BRINP2: variants seen among roughly 807,000 people sequenced by gnomAD.
The protein encoded by BRINP2 is BMP/retinoic acid-inducible neural-specific protein 2.
BRINP2 carries 21 observed loss-of-function variants against 69.2 expected under a neutral mutation model. That is an observed-to-expected ratio of 0.30 (90% CI 0.22 to 0.44). BRINP2 has a LOEUF of 0.44. Among genes scored for constraint, BRINP2 ranks in the 20% least tolerant of loss-of-function variants. The pLI is 1.00. For missense variants in BRINP2, 877 were observed against 986.0 expected, an observed-to-expected ratio of 0.89 and a Z score of 1.48; for synonymous variants, 380 against 394.1, an observed-to-expected ratio of 0.96 and a Z score of 0.42.
chr1:177,241,126 C>A (rs1364796827), intron 2 of BRINP2, among the ~76,000 whole-genome samples: 1 of 152,132 alleles, frequency 6.6e-6, no homozygotes, highest in South Asian at 2.1e-4. Context: ...CATCCACCAC[C>A]ATGCCCGGCT....
intron 2 of BRINP2, among the ~76,000 whole-genome samples, chr1:177,246,230 G>T (rs1401610953): frequency 6.6e-6 from 1 of 152,156 alleles, no homozygotes; most frequent in Admixed American, 6.5e-5. Context: ...CAAGGCAAAA[G>T]AATTACCTGG....
chr1:177,217,598 A>G (rs897138467), intron 1 of BRINP2, among the ~76,000 whole-genome samples: 2 of 152,030 alleles, frequency 1.3e-5, no homozygotes, highest in African/African-American at 4.8e-5. Context: ...GTGTTTATGC[A>G]TTTGTGGAGA....
intron 1 of BRINP2, among the ~76,000 whole-genome samples, chr1:177,173,367 A>C (rs1196724001): frequency 1.3e-5 from 2 of 152,270 alleles, no homozygotes; most frequent in African/African-American, 4.8e-5. Context: ...GTCACACCAT[A>C]GTCTCCCCTT....
In BRINP2 at chr1:177,281,716, G is replaced by A. The variant is rs1049012894; in HGVS notation, c.*188G>A. The A allele has an allele frequency of 1.8e-5, 11 of 624,344 alleles. No homozygotes were observed. Among genetic ancestry groups the A allele is most frequent in the East Asian group, 5.8e-5 (2 of 34,380 alleles). The allele number at this position is 624,344 out of a possible 1,614,324, so 38.7% of individuals were successfully genotyped here. ...ACAGCTACTGCGTGCGTGCGCGCAC[G>A]CATACACACACACACACACACACTG... On this transcript the variant is annotated 3_prime_UTR_variant, in exon 8 of 8. Coordinates refer to ENST00000361539, the MANE Select transcript of BRINP2 (RefSeq NM_021165.4).
In BRINP2 at chr1:177,242,845, G is replaced by A. The variant is rs140333947; in HGVS notation, c.269+12700G>A. Among the ~76,000 whole-genome samples, 236 of 152,278 alleles carry A rather than the reference G, an allele frequency of 1.5e-3. 2 individuals carry two copies. The highest frequency in any genetic ancestry group is 5.4e-3 in the African/African-American group (223 of 41,544). ...TTCTGGGATGAAATTAGATGAAGGC[G>A]TAAACAAGTGGTTGAGACTCAAGGC... On this transcript the variant is annotated intron_variant, in intron 2 of 7. Coordinates refer to ENST00000361539, the MANE Select transcript of BRINP2 (RefSeq NM_021165.4).
At chr1:177,255,473 G>A (rs905323819) in intron 2 of BRINP2, among the ~76,000 whole-genome samples, 2 of 152,192 alleles carry the variant, frequency 1.3e-5, no homozygotes, top group African/African-American at 4.8e-5. Context: ...AAATATGAGG[G>A]CAGTGGTTCT....
chr1:177,210,262 A>G (rs553169561), intron 1 of BRINP2, among the ~76,000 whole-genome samples: 1 of 149,656 alleles, frequency 6.7e-6, no homozygotes, highest in African/African-American at 2.6e-5. Flanking sequence ...TGCTTTCTAT[A>G]TTTACTCACC....
intron 1 of BRINP2, among the ~76,000 whole-genome samples, chr1:177,212,987 T>C (rs372439378): frequency 1.6e-4 from 24 of 152,306 alleles, no homozygotes; most frequent in Middle Eastern, 3.4e-3. Context: ...AATATGTGCT[T>C]AATAAATAGA....
chr1:177,239,763 G>A (rs1650137703), intron 2 of BRINP2, among the ~76,000 whole-genome samples: 1 of 152,188 alleles, frequency 6.6e-6, no homozygotes, highest in African/African-American at 2.4e-5. Context: ...GAGACATAGA[G>A]GCTGAGGCCC....
intron 5 of BRINP2, 81 bp from the exon 6 acceptor site, chr1:177,276,116 TG>T: frequency 7.7e-7 from 1 of 1,304,666 alleles, no homozygotes; most frequent in Non-Finnish European, 1.1e-6. Context: ...GAACTCCAGC[TG>T]GGATTCCTGC....
In BRINP2 at chr1:177,229,914, G is replaced by C. The variant is rs747854235; in HGVS notation, c.38G>C (p.Arg13Pro). ...TGTGGCACTCGGTTTAGAGGGCTTC[G>C]GCCGGCGGTGGCCCCATGGACAGCC... ...WQCGTRFRGL[R>P]PAVAPWTALL... Residue 13 changes from arginine to proline, a missense_variant, in exon 2 of 8, where the codon CGG becomes CCG. Arg to Pro is a moderately radical substitution (Grantham distance 103). Coordinates refer to ENST00000361539, the MANE Select transcript of BRINP2 (RefSeq NM_021165.4). 1.2e-6 allele frequency: 2 copies of C among 1,606,530 alleles called. No individual in the cohort carries two copies. The highest frequency in any genetic ancestry group is 1.3e-5 in the African/African-American group (1 of 74,816).
At chr1:177,175,021 A>G (rs1001826406) in intron 1 of BRINP2, among the ~76,000 whole-genome samples, 1 of 152,068 alleles carries the variant, frequency 6.6e-6, no homozygotes, top group Admixed American at 6.6e-5. Flanking sequence ...CACACACACA[A>G]CTTCTCATAT....
At chr1:177,244,400 T>C (rs887846130) in intron 2 of BRINP2, among the ~76,000 whole-genome samples, 6 of 152,202 alleles carry the variant, frequency 3.9e-5, no homozygotes, top group Non-Finnish European at 7.3e-5. Context: ...GGACTAAAGC[T>C]TGTGGTGTGT....
chr1:177,174,905 C>A (rs957261899), intron 1 of BRINP2, among the ~76,000 whole-genome samples: 1 of 152,170 alleles, frequency 6.6e-6, no homozygotes, highest in African/African-American at 2.4e-5. Flanking sequence ...CAAGTCTAAT[C>A]TATATATTGT....
Position 177,196,825 on chromosome 1 carries a change from T to C in BRINP2, c.-77+25093T>C, listed in dbSNP as rs1017822079. 2.0e-5 allele frequency among the ~76,000 whole-genome samples: 3 copies of C among 152,094 alleles called. No individual in the cohort carries two copies. The East Asian group carries it at 5.8e-4, about 29-fold the overall frequency. The stretch of plus-strand genomic sequence containing the variant: ...TGCTCAAAGTCATTTAGAGACTAAA[T>C]AGCAGAAGGATTCAAACCCAGGCAA... On this transcript the variant is annotated intron_variant, in intron 1 of 7. Transcript: ENST00000361539.
At chr1:177,220,003 C>T (rs1045926165) in intron 1 of BRINP2, among the ~76,000 whole-genome samples, 1 of 152,196 alleles carries the variant, frequency 6.6e-6, no homozygotes, top group Non-Finnish European at 1.5e-5. Flanking sequence ...AAGTAGATGA[C>T]TAAGCCAGCT....
chr1:177,241,490 A>T (rs1182900831), intron 2 of BRINP2, among the ~76,000 whole-genome samples: 1 of 152,134 alleles, frequency 6.6e-6, no homozygotes, highest in Non-Finnish European at 1.5e-5. Flanking sequence ...ACTTCCTTCC[A>T]GAGGTTCTTT....
chr1:177,230,824 C>T (rs1649844117), intron 2 of BRINP2, among the ~76,000 whole-genome samples: 1 of 152,198 alleles, frequency 6.6e-6, no homozygotes, highest in Admixed American at 6.5e-5. Context: ...TCCACGTGCT[C>T]ACCTCCAGGG....
chr1:177,229,385 C>T (rs1649794182), intron 1 of BRINP2, among the ~76,000 whole-genome samples: 1 of 152,126 alleles, frequency 6.6e-6, no homozygotes, highest in African/African-American at 2.4e-5. Context: ...CAGTCTGAGG[C>T]AACTGCAGAA....
Sources: gnomAD v4.1 joint callset for allele counts (sites outside exome capture counted in the v4.1 genomes callset) on GRCh38, gnomAD v4.1.1 for gene constraint, MANE v1.5 for transcripts, NCBI Gene and HGNC (gene_info 2026-07-23, HGNC 2026-07-21) for gene names.